CNTNAP2: variants seen among roughly 807,000 people sequenced by gnomAD.
CNTNAP2 encodes contactin-associated protein-like 2.
CNTNAP2 carries 98 observed loss-of-function variants against 155.2 expected under a neutral mutation model. The ratio of observed to expected loss-of-function variants is 0.63; its 90% CI spans 0.54 to 0.75. CNTNAP2 has a LOEUF of 0.75. Ranked by LOEUF, CNTNAP2 falls within the 30% of genes least tolerant of loss-of-function variation. CNTNAP2 has a pLI of 0.00. For synonymous variants in CNTNAP2, 651 were observed against 631.2 expected (o/e 1.03, Z -0.47); for missense variants, 1,727 against 1,688.1 (o/e 1.02, Z -0.40).
intron 1 of CNTNAP2, among the ~76,000 whole-genome samples, chr7:146,219,425 T>C (rs556022851): frequency 2.0e-5 from 3 of 152,352 alleles, no homozygotes; most frequent in South Asian, 4.1e-4. Context: ...TGGGCTGAGG[T>C]AACACTTCAC....
chr7:148,299,154 CTAA>C (rs1242166355), intron 21 of CNTNAP2, among the ~76,000 whole-genome samples: 3 of 152,010 alleles, frequency 2.0e-5, no homozygotes, highest in Non-Finnish European at 2.9e-5. Flanking sequence ...CCACGCCTGG[CTAA>C]TGTTTTGTAT....
At chr7:146,187,594 A>G (rs1197936266) in intron 1 of CNTNAP2, among the ~76,000 whole-genome samples, 2 of 152,020 alleles carry the variant, frequency 1.3e-5, no homozygotes, top group Admixed American at 1.3e-4. Flanking sequence ...TAAGTAAGAT[A>G]TATTGTTTTC....
At chr7:147,653,325 C>G (rs975991731) in intron 13 of CNTNAP2, among the ~76,000 whole-genome samples, 1 of 152,126 alleles carries the variant, frequency 6.6e-6, no homozygotes, top group African/African-American at 2.4e-5. Flanking sequence ...TCCAGTGTTT[C>G]ATTCTTACCT....
intron 2 of CNTNAP2, among the ~76,000 whole-genome samples, chr7:146,805,139 G>T (rs1019471892): frequency 3.9e-5 from 6 of 152,056 alleles, no homozygotes; most frequent in African/African-American, 1.2e-4. Flanking sequence ...TAGTGTTTGG[G>T]GTCTTAAGGA....
At chr7:146,775,721 G>T (rs1353626255) in intron 2 of CNTNAP2, among the ~76,000 whole-genome samples, 1 of 151,774 alleles carries the variant, frequency 6.6e-6, no homozygotes, top group Non-Finnish European at 1.5e-5. Flanking sequence ...AGAAAAGAAA[G>T]GCATATCAGA....
intron 13 of CNTNAP2, among the ~76,000 whole-genome samples, chr7:147,777,427 G>A (rs141585915): frequency 4.1e-4 from 62 of 152,226 alleles, no homozygotes; most frequent in African/African-American, 1.3e-3. Flanking sequence ...TGTTCACACC[G>A]ACTCAGACAC....
intron 1 of CNTNAP2, among the ~76,000 whole-genome samples, chr7:146,629,418 A>T (rs893447189): frequency 2.6e-5 from 4 of 152,168 alleles, no homozygotes; most frequent in African/African-American, 9.7e-5. Flanking sequence ...TAAAAATGCT[A>T]TAACTTTATC....
intron 1 of CNTNAP2, among the ~76,000 whole-genome samples, chr7:146,570,090 C>G (rs1798417947): frequency 6.6e-6 from 1 of 152,116 alleles, no homozygotes; most frequent in Non-Finnish European, 1.5e-5. Flanking sequence ...CTGATATTAG[C>G]TATTGGAGTT....
intron 1 of CNTNAP2, among the ~76,000 whole-genome samples, chr7:146,139,299 C>G (rs571657016): frequency 1.3e-5 from 2 of 151,998 alleles, no homozygotes; most frequent in African/African-American, 4.8e-5. Flanking sequence ...TAAGTTGAAC[C>G]CTTGTAAGTT....
At chr7:146,968,357 A>G (rs1450938698) in intron 3 of CNTNAP2, among the ~76,000 whole-genome samples, 25 of 151,342 alleles carry the variant, frequency 1.7e-4, no homozygotes, top group Non-Finnish European at 3.7e-4. Context: ...CTCTTTTTCT[A>G]TTGATTGGAA....
chr7:146,735,621 G>A (rs1801603212), intron 1 of CNTNAP2, among the ~76,000 whole-genome samples: 1 of 139,568 alleles, frequency 7.2e-6, no homozygotes, highest in Admixed American at 6.8e-5. Context: ...TATACATTGT[G>A]GCTATACACC....
intron 8 of CNTNAP2, among the ~76,000 whole-genome samples, chr7:147,284,932 A>G (rs188408776): frequency 7.2e-5 from 11 of 152,014 alleles, no homozygotes; most frequent in African/African-American, 2.4e-4. Flanking sequence ...ATGTAGAAGA[A>G]TAAGTAGTAG....
At chr7:147,251,565 C>G (rs1284339975) in intron 8 of CNTNAP2, among the ~76,000 whole-genome samples, 1 of 152,160 alleles carries the variant, frequency 6.6e-6, no homozygotes, top group Non-Finnish European at 1.5e-5. Flanking sequence ...ATTACCTCCT[C>G]TGGAGCTTCA....
chr7:146,304,100 T>TC (rs1189289646), intron 1 of CNTNAP2, among the ~76,000 whole-genome samples: 1 of 151,762 alleles, frequency 6.6e-6, no homozygotes, highest in African/African-American at 2.4e-5. Flanking sequence ...CCCTGCTTTT[T>TC]TTTTTTTTTT....
intron 10 of CNTNAP2, among the ~76,000 whole-genome samples, chr7:147,412,114 T>C (rs191489736): frequency 6.6e-6 from 1 of 152,278 alleles, no homozygotes; most frequent in Admixed American, 6.5e-5. Flanking sequence ...GGTATCTAGT[T>C]CTTATTCTGA....
chr7:146,335,717 G>A (rs1341451841), intron 1 of CNTNAP2, among the ~76,000 whole-genome samples: 2 of 151,822 alleles, frequency 1.3e-5, no homozygotes, highest in Non-Finnish European at 2.9e-5. Flanking sequence ...GTGTCATTTT[G>A]TTCCTACAAG....
intron 15 of CNTNAP2, among the ~76,000 whole-genome samples, chr7:148,063,116 C>T (rs527815363): frequency 2.6e-5 from 4 of 152,078 alleles, no homozygotes; most frequent in African/African-American, 7.2e-5. Context: ...CACTGGGTAT[C>T]GAGTTCTAGG....
intron 1 of CNTNAP2, among the ~76,000 whole-genome samples, chr7:146,181,510 T>G (rs1448413824): frequency 1.3e-5 from 2 of 152,162 alleles, no homozygotes; most frequent in African/African-American, 4.8e-5. Flanking sequence ...TACATATCCT[T>G]CCATAACCGT....
chr7:147,890,433 A>C (rs2116730160), intron 13 of CNTNAP2, among the ~76,000 whole-genome samples: 1 of 152,308 alleles, frequency 6.6e-6, no homozygotes, highest in Admixed American at 6.5e-5. Flanking sequence ...AACAGCATAG[A>C]AGTTCCTCAA....
Sources: allele counts gnomAD v4.1 joint callset (sites outside exome capture counted in the v4.1 genomes callset), GRCh38; gene constraint gnomAD v4.1.1; transcripts MANE v1.5; gene names NCBI Gene and HGNC (gene_info 2026-07-23, HGNC 2026-07-21).